The following CACNB2 variants were observed in gnomAD, a reference collection of about 807,000 sequenced individuals.
CACNB2 encodes voltage-dependent L-type calcium channel subunit beta-2.
A neutral mutation model predicts 73.3 loss-of-function variants in CACNB2; 42 were observed. The ratio of observed to expected loss-of-function variants is 0.57; its 90% CI spans 0.45 to 0.74. The LOEUF (loss-of-function observed/expected upper bound fraction) is 0.74. CACNB2 is among the 30% of genes least tolerant of loss of function. The pLI is 0.00. For missense variants in CACNB2, 940 were observed against 853.0 expected, an observed-to-expected ratio of 1.10 and a Z score of -1.27; for synonymous variants, 348 against 310.3, an observed-to-expected ratio of 1.12 and a Z score of -1.28.
At chr10:18,438,190 T>TTC (rs1554819218) in intron 3 of CACNB2, among the ~76,000 whole-genome samples, 1 of 144,802 alleles carries the variant, frequency 6.9e-6, no homozygotes, top group African/African-American at 2.5e-5. Flanking sequence ...GCGATTTTTT[T>TTC]TTTTTTTTTT....
intron 3 of CACNB2, among the ~76,000 whole-genome samples, chr10:18,417,988 G>A (rs563954363): frequency 2.0e-5 from 3 of 152,314 alleles, no homozygotes; most frequent in South Asian, 2.1e-4. Context: ...TGTAACAATT[G>A]ACTAGAGAAA....
chr10:18,217,402 T>G (rs979365157), intron 2 of CACNB2, among the ~76,000 whole-genome samples: 1 of 152,046 alleles, frequency 6.6e-6, no homozygotes, highest in Non-Finnish European at 1.5e-5. Context: ...GAGAATCACT[T>G]GAATCCAGGA....
chr10:18,255,834 A>C (rs897951776), intron 2 of CACNB2, among the ~76,000 whole-genome samples: 10 of 152,326 alleles, frequency 6.6e-5, no homozygotes, highest in Middle Eastern at 3.4e-3. Flanking sequence ...GCACTTAAGC[A>C]GAGTCAATTC....
chr10:18,370,149 T>A (rs2042517331), intron 2 of CACNB2, among the ~76,000 whole-genome samples: 1 of 152,232 alleles, frequency 6.6e-6, no homozygotes, highest in Admixed American at 6.5e-5. Context: ...ATGTGGCAAC[T>A]AAACAATTGA....
In CACNB2 at chr10:18,540,258, G is replaced by GTACTAGTACTGTGTACT. The variant is rs1347082340; in HGVS notation, c.*535_*551dup. 4.1e-5 allele frequency: 7 copies of GTACTAGTACTGTGTACT among 169,140 alleles called. No individual in the cohort carries two copies. Among genetic ancestry groups the GTACTAGTACTGTGTACT allele is most frequent in the African/African-American group, 1.7e-4 (7 of 41,512 alleles). The allele number at this position is 169,140 out of a possible 1,614,324, so 10.5% of individuals were successfully genotyped here. On this transcript the variant is annotated 3_prime_UTR_variant, in exon 14 of 14. Coordinates refer to ENST00000324631, the MANE Select transcript of CACNB2 (RefSeq NM_201596.3). ...CATAAAGTTAGAATCTATTTTCTAT[G>GTACTAGTACTGTGTACT]TACTAGTACTGTGTACTGTATAGAC...
At chr10:18,208,892 T>C (rs12355606) in intron 2 of CACNB2, among the ~76,000 whole-genome samples, 2,466 of 152,224 alleles carry the variant, frequency 0.016, 76 homozygotes, top group East Asian at 0.14. Context: ...TGCGTATACA[T>C]CCACATATGA....
intron 2 of CACNB2, among the ~76,000 whole-genome samples, chr10:18,381,196 C>T (rs140995194): frequency 4.0e-5 from 6 of 150,964 alleles, no homozygotes; most frequent in African/African-American, 1.2e-4. Context: ...TCACAAGCCT[C>T]GCCTCTCCTG....
At chr10:18,453,615 C>T (rs2047121583) in intron 3 of CACNB2, among the ~76,000 whole-genome samples, 1 of 152,212 alleles carries the variant, frequency 6.6e-6, no homozygotes, top group Admixed American at 6.5e-5. Flanking sequence ...GTCTCGTACA[C>T]ATACTTACCA....
At chr10:18,326,571 T>C in intron 2 of CACNB2, among the ~76,000 whole-genome samples, 1 of 152,154 alleles carries the variant, frequency 6.6e-6, no homozygotes, top group East Asian at 1.9e-4. Flanking sequence ...GCAAATAAAT[T>C]GGATCCCATT....
At chr10:18,330,043 G>T (rs1284700439) in intron 2 of CACNB2, among the ~76,000 whole-genome samples, 3 of 152,144 alleles carry the variant, frequency 2.0e-5, no homozygotes, top group Non-Finnish European at 4.4e-5. Flanking sequence ...GTTTTGCCAT[G>T]TTGGCCAGGC....
intron 2 of CACNB2, among the ~76,000 whole-genome samples, chr10:18,368,246 A>C (rs2042436011): frequency 6.6e-6 from 1 of 152,188 alleles, no homozygotes; most frequent in Non-Finnish European, 1.5e-5. Flanking sequence ...ATTTCTACTA[A>C]TATGGGCATT....
At chr10:18,197,851 G>A (rs1377663764) in intron 2 of CACNB2, among the ~76,000 whole-genome samples, 3 of 151,166 alleles carry the variant, frequency 2.0e-5, no homozygotes, top group African/African-American at 7.3e-5. Context: ...GTGGAGTACT[G>A]CTGGAAATAT....
intron 2 of CACNB2, among the ~76,000 whole-genome samples, chr10:18,385,623 A>G (rs952416120): frequency 1.6e-4 from 23 of 147,730 alleles, no homozygotes; most frequent in African/African-American, 5.7e-4. Context: ...AGCCTGGGTG[A>G]CAAGAGTGCA....
intron 2 of CACNB2, among the ~76,000 whole-genome samples, chr10:18,247,496 A>G (rs113289760): frequency 9.2e-5 from 14 of 152,110 alleles, no homozygotes; most frequent in African/African-American, 3.1e-4. Context: ...CCGGCTGGAT[A>G]TAGGAAGATT....
rs1003525607 is a variant in CACNB2, at chr10:18,152,728, A to C, written c.213+1753A>C. Among the ~76,000 whole-genome samples the C allele has an allele frequency of 3.4e-3, 395 of 115,400 alleles. 4 individuals are homozygous for C. The highest frequency in any genetic ancestry group is 0.015 in the African/African-American group (367 of 24,000). 75.7% of individuals were successfully genotyped at this position (115,400 alleles called of 152,430 possible). ...ACAGACCAAAAAAAAAAAAAAAAAA[A>C]AAAACAAAAAACAAAACACTAGCTC... On this transcript the variant is annotated intron_variant, in intron 2 of 13. Transcript: ENST00000324631.
At chr10:18,206,533 T>G (rs186475335) in intron 2 of CACNB2, 1 of 152,450 alleles carries the variant, frequency 6.6e-6, no homozygotes, top group East Asian at 1.9e-4. Flanking sequence ...GCATGTTCCT[T>G]CTTTTCCCCG....
chr10:18,239,392 A>G (rs375363109), intron 2 of CACNB2, among the ~76,000 whole-genome samples: 24 of 152,086 alleles, frequency 1.6e-4, no homozygotes, highest in African/African-American at 5.8e-4. Context: ...CCCACTTAGT[A>G]TTTGACTTTC....
intron 2 of CACNB2, among the ~76,000 whole-genome samples, chr10:18,298,230 A>G (rs191552775): frequency 6.6e-6 from 1 of 152,074 alleles, no homozygotes; most frequent in Non-Finnish European, 1.5e-5. Flanking sequence ...TTAGCTGGGC[A>G]TGGTGGTGGG....
intron 2 of CACNB2, among the ~76,000 whole-genome samples, chr10:18,337,505 C>A (rs1253957703): frequency 6.6e-6 from 1 of 152,100 alleles, no homozygotes; most frequent in Non-Finnish European, 1.5e-5. Flanking sequence ...CTTTTTGTAT[C>A]AAAAATTTTT....
Sources: gnomAD v4.1 joint callset for allele counts (sites outside exome capture counted in the v4.1 genomes callset) on GRCh38, gnomAD v4.1.1 for gene constraint, MANE v1.5 for transcripts, NCBI Gene and HGNC (gene_info 2026-07-23, HGNC 2026-07-21) for gene names.